Variants in SCHIP1 observed in about 807,000 individuals in gnomAD.
SCHIP1 encodes schwannomin interacting protein 1.
In SCHIP1, 8 loss-of-function variants were observed where a neutral mutation model predicts 29.7. The observed-to-expected ratio is 0.27, with a 90% confidence interval of 0.16 to 0.49. The LOEUF is 0.49. SCHIP1 is among the 20% of genes least tolerant of loss of function. SCHIP1 has a pLI of 0.99. For synonymous variants in SCHIP1, 76 were observed against 94.9 expected (o/e 0.80, Z 1.16); for missense variants, 193 against 294.6 (o/e 0.66, Z 2.52).
chr3:159,603,970 A>C, the SCHIP1 span, among the ~76,000 whole-genome samples: 1 of 152,040 alleles, frequency 6.6e-6, no homozygotes, highest in Non-Finnish European at 1.5e-5. Context: ...TCCCTTGATA[A>C]CCCATTAAGC....
chr3:159,839,957 A>C, exon 1 of SCHIP1: 1 of 1,416,896 alleles, frequency 7.1e-7, no homozygotes. Flanking sequence ...AGCCTGCCTC[A>C]CTGGTTTCGG....
At chr3:159,674,403 C>A in the SCHIP1 span, among the ~76,000 whole-genome samples, 1 of 151,974 alleles carries the variant, frequency 6.6e-6, no homozygotes, top group East Asian at 1.9e-4. Flanking sequence ...ATCTGGACAG[C>A]CCATGCAGAG....
the SCHIP1 span, among the ~76,000 whole-genome samples, chr3:159,671,680 G>A: frequency 6.6e-6 from 1 of 152,068 alleles, no homozygotes; most frequent in Non-Finnish European, 1.5e-5. Flanking sequence ...TCTTCTGCTG[G>A]CATTATTCTT....
the SCHIP1 span, among the ~76,000 whole-genome samples, chr3:159,373,046 T>C: frequency 7.0e-6 from 1 of 143,874 alleles, no homozygotes. Flanking sequence ...TTAAATTTGT[T>C]TTTAATTTTT....
chr3:159,755,474 C>T, the SCHIP1 span, among the ~76,000 whole-genome samples: 1 of 152,174 alleles, frequency 6.6e-6, no homozygotes, highest in African/African-American at 2.4e-5. Context: ...AATCACCTCC[C>T]ACTGGGTACC....
At chr3:159,676,953 A>G in the SCHIP1 span, among the ~76,000 whole-genome samples, 1 of 152,202 alleles carries the variant, frequency 6.6e-6, no homozygotes, top group Non-Finnish European at 1.5e-5. Flanking sequence ...CATTACACAC[A>G]GTAGAGGCAG....
chr3:159,366,755 T>C, the SCHIP1 span, among the ~76,000 whole-genome samples: 2 of 152,302 alleles, frequency 1.3e-5, no homozygotes, highest in East Asian at 1.9e-4. Context: ...TCTCCCACTA[T>C]GCCTGTTAAC....
chr3:159,744,204 A>G, the SCHIP1 span, among the ~76,000 whole-genome samples: 2 of 152,338 alleles, frequency 1.3e-5, no homozygotes, highest in Non-Finnish European at 2.9e-5. Flanking sequence ...TCTTTAAACT[A>G]CACCTACATG....
At chr3:159,497,470 C>A in the SCHIP1 span, among the ~76,000 whole-genome samples, 1 of 151,946 alleles carries the variant, frequency 6.6e-6, no homozygotes, top group Non-Finnish European at 1.5e-5. Flanking sequence ...TCTTCAAAAC[C>A]ACCCCCAAGT....
the SCHIP1 span, among the ~76,000 whole-genome samples, chr3:159,365,947 T>C: frequency 6.6e-6 from 1 of 152,186 alleles, no homozygotes; most frequent in Non-Finnish European, 1.5e-5. Context: ...CACTTAAATA[T>C]TAATGAAAAT....
At chr3:159,317,482 G>C in the SCHIP1 span, among the ~76,000 whole-genome samples, 1 of 152,072 alleles carries the variant, frequency 6.6e-6, no homozygotes, top group African/African-American at 2.4e-5. Context: ...ATTGATTCCC[G>C]GACCCGTGAA....
the SCHIP1 span, among the ~76,000 whole-genome samples, chr3:159,576,661 C>T: frequency 6.6e-6 from 1 of 152,114 alleles, no homozygotes. Context: ...TTAGTCTACC[C>T]TTTCATTGAA....
intron 1 of SCHIP1, among the ~76,000 whole-genome samples, chr3:159,843,575 C>T (rs998517273): frequency 1.3e-5 from 2 of 151,882 alleles, no homozygotes; most frequent in Non-Finnish European, 2.9e-5. Flanking sequence ...AATCCCAGGA[C>T]TTTGGGAGGC....
the SCHIP1 span, among the ~76,000 whole-genome samples, chr3:159,409,457 A>C: frequency 8.5e-5 from 13 of 152,302 alleles, no homozygotes; most frequent in East Asian, 2.5e-3. Flanking sequence ...CAAAATTAAC[A>C]TACAAAAATA....
chr3:159,335,914 G>T, the SCHIP1 span, among the ~76,000 whole-genome samples: 3 of 152,144 alleles, frequency 2.0e-5, no homozygotes, highest in Admixed American at 2.0e-4. Context: ...CTGAGGAATC[G>T]CCACACTGAC....
chr3:159,509,723 G>A, the SCHIP1 span, among the ~76,000 whole-genome samples: 2 of 152,082 alleles, frequency 1.3e-5, no homozygotes, highest in African/African-American at 4.8e-5. Context: ...TCCTTCACTT[G>A]TGAAACTTAG....
the SCHIP1 span, among the ~76,000 whole-genome samples, chr3:159,465,345 G>T: frequency 1.3e-5 from 2 of 151,184 alleles, no homozygotes; most frequent in African/African-American, 4.9e-5. Flanking sequence ...GTGTGTTTGT[G>T]TGCGTGTGTG....
chr3:159,678,845 G>A, the SCHIP1 span, among the ~76,000 whole-genome samples: 2 of 152,150 alleles, frequency 1.3e-5, no homozygotes, highest in African/African-American at 2.4e-5. Context: ...AAGGAAAGGC[G>A]GGGGAAACCC....
At chr3:159,488,324 A>G in the SCHIP1 span, among the ~76,000 whole-genome samples, 4 of 152,190 alleles carry the variant, frequency 2.6e-5, no homozygotes, top group African/African-American at 9.6e-5. Context: ...AATAACGGAG[A>G]GTATAAATGA....
Sources: allele counts gnomAD v4.1 joint callset (sites outside exome capture counted in the v4.1 genomes callset), GRCh38; gene constraint gnomAD v4.1.1; transcripts MANE v1.5; gene names NCBI Gene and HGNC (gene_info 2026-07-23, HGNC 2026-07-21).